RIMS1: variants seen among roughly 807,000 people sequenced by gnomAD.
RIMS1 encodes the protein regulating synaptic membrane exocytosis protein 1.
RIMS1 carries 83 observed loss-of-function variants against 214.1 expected under a neutral mutation model. The ratio of observed to expected loss-of-function variants is 0.39; its 90% CI spans 0.32 to 0.47. The LOEUF is 0.47. Ranked by LOEUF, RIMS1 falls within the 20% of genes least tolerant of loss-of-function variation. The pLI, the probability that RIMS1 is intolerant of heterozygous loss-of-function variation, is 0.99. For missense variants in RIMS1, 2,050 were observed against 2,161.8 expected (o/e 0.95, Z 1.03); for synonymous variants, 793 against 786.8 (o/e 1.01, Z -0.13).
At chr6:71,913,360 C>T (rs550587451) in intron 1 of RIMS1, among the ~76,000 whole-genome samples, 21 of 152,000 alleles carry the variant, frequency 1.4e-4, no homozygotes, top group Non-Finnish European at 2.9e-4. Flanking sequence ...TGGTAGAGCA[C>T]CAAATGTATT....
At chr6:72,057,195 T>A (rs916112226) in intron 2 of RIMS1, among the ~76,000 whole-genome samples, 4 of 152,206 alleles carry the variant, frequency 2.6e-5, no homozygotes, top group Admixed American at 6.5e-5. Context: ...ACTCACATAT[T>A]CAGTTGTGGC....
At chr6:72,280,009 T>C (rs1011977729) in intron 23 of RIMS1, among the ~76,000 whole-genome samples, 8 of 151,978 alleles carry the variant, frequency 5.3e-5, no homozygotes, top group African/African-American at 9.7e-5. Context: ...TTAAGTATTT[T>C]ATATTTTGCT....
intron 4 of RIMS1, among the ~76,000 whole-genome samples, chr6:72,158,591 G>A (rs1333024470): frequency 8.6e-6 from 1 of 116,290 alleles, no homozygotes; most frequent in African/African-American, 2.9e-5. Flanking sequence ...CCTGGTGTGT[G>A]ATGTTCCCCT....
chr6:72,307,243 T>C lies in RIMS1; in HGVS notation c.3851-15T>C. On this transcript the variant is annotated splice_polypyrimidine_tract_variant and intron_variant, in intron 26 of 33. Coordinates refer to ENST00000521978, the MANE Select transcript of RIMS1 (RefSeq NM_014989.7). ...TTCACATGTTTTAATAGGCTTCCAT[T>C]ATGTGTTTTTGCAGCAAGCTTAGTA... 1 of 1,541,638 alleles carries C rather than the reference T, an allele frequency of 6.5e-7. No individual in the cohort carries two copies.
intron 2 of RIMS1, among the ~76,000 whole-genome samples, chr6:72,081,478 T>C (rs937050564): frequency 3.3e-5 from 5 of 152,286 alleles, no homozygotes; most frequent in African/African-American, 9.6e-5. Flanking sequence ...GATGGTGCAA[T>C]ATTATGAAAG....
chr6:71,899,864 A>G (rs1172063694), intron 1 of RIMS1, among the ~76,000 whole-genome samples: 1 of 152,144 alleles, frequency 6.6e-6, no homozygotes, highest in African/African-American at 2.4e-5. Context: ...GAAAATCATC[A>G]GAGGGCCAAA....
rs146107035 is a variant in RIMS1, at chr6:72,014,016, G to A, written c.245+44953G>A. ...TTTATGACTGACTTGTTTTCACTTA[G>A]TGTATTAGTCCATTCTCACACTGCT... On this transcript the variant is annotated intron_variant, in intron 2 of 33. Coordinates refer to ENST00000521978, the MANE Select transcript of RIMS1 (RefSeq NM_014989.7). Among the ~76,000 whole-genome samples the A allele has an allele frequency of 2.6e-5, 4 of 152,238 alleles. No individual in the cohort carries two copies. The East Asian group carries it at 7.7e-4, about 29-fold the overall frequency.
At chr6:71,962,530 G>A (rs1793252494) in intron 1 of RIMS1, among the ~76,000 whole-genome samples, 1 of 152,128 alleles carries the variant, frequency 6.6e-6, no homozygotes, top group African/African-American at 2.4e-5. Flanking sequence ...TTTGTGATTA[G>A]TACATCTGGC....
intron 31 of RIMS1, among the ~76,000 whole-genome samples, chr6:72,395,822 A>G (rs2098767931): frequency 6.6e-6 from 1 of 151,992 alleles, no homozygotes; most frequent in African/African-American, 2.4e-5. Flanking sequence ...TTTGATCATA[A>G]CAAAGTATAT....
At chr6:72,129,635 G>C (rs2040135706) in intron 4 of RIMS1, among the ~76,000 whole-genome samples, 1 of 152,040 alleles carries the variant, frequency 6.6e-6, no homozygotes, top group Non-Finnish European at 1.5e-5. Flanking sequence ...AGAACAGAAA[G>C]ATCTAGATAA....
At chr6:72,282,488 C>T (rs996669144) in intron 23 of RIMS1, among the ~76,000 whole-genome samples, 1 of 152,066 alleles carries the variant, frequency 6.6e-6, no homozygotes, top group Non-Finnish European at 1.5e-5. Flanking sequence ...AGTGATATCC[C>T]AGCACCTGAT....
chr6:72,003,608 G>T lies in RIMS1; in HGVS notation c.245+34545G>T, dbSNP rs541106426. Among the ~76,000 whole-genome samples the T allele has an allele frequency of 7.9e-5, 12 of 151,828 alleles. 1 individual carries two copies. In the South Asian group the frequency reaches 2.5e-3, roughly 32 times the overall value. ...TATACAATTTTGCTTGCAGGTGTGT[G>T]TCTGTGTGTGTGTGTGTGTGTCTGT... On this transcript the variant is annotated intron_variant, in intron 2 of 33. Coordinates refer to ENST00000521978, the MANE Select transcript of RIMS1 (RefSeq NM_014989.7).
At chr6:71,941,194 AAT>A (rs1786017876) in intron 1 of RIMS1, among the ~76,000 whole-genome samples, 1 of 152,248 alleles carries the variant, frequency 6.6e-6, no homozygotes, top group Admixed American at 6.5e-5. Context: ...TTTATGAATA[AAT>A]ATGTTTTTCT....
At chr6:71,947,070 A>C (rs896200844) in intron 1 of RIMS1, among the ~76,000 whole-genome samples, 1 of 152,098 alleles carries the variant, frequency 6.6e-6, no homozygotes, top group African/African-American at 2.4e-5. Flanking sequence ...AGAAAAATGC[A>C]AATTAAAACC....
intron 4 of RIMS1, among the ~76,000 whole-genome samples, chr6:72,109,815 T>C (rs1468556195): frequency 1.3e-5 from 2 of 152,136 alleles, no homozygotes; most frequent in Non-Finnish European, 2.9e-5. Flanking sequence ...GGTTTTCTTC[T>C]AGGGTTTTTA....
At chr6:72,225,723 A>G (rs1177932598) in intron 6 of RIMS1, among the ~76,000 whole-genome samples, 1 of 152,204 alleles carries the variant, frequency 6.6e-6, no homozygotes, top group Non-Finnish European at 1.5e-5. Context: ...CTCAGTGTCA[A>G]TGTGGAAGCC....
intron 29 of RIMS1, among the ~76,000 whole-genome samples, chr6:72,380,992 C>T (rs747137094): frequency 2.0e-5 from 3 of 152,108 alleles, no homozygotes; most frequent in Non-Finnish European, 2.9e-5. Context: ...TAATAAAATC[C>T]ACTCCCTAAA....
chr6:71,931,774 G>T (rs1783123553), intron 1 of RIMS1, among the ~76,000 whole-genome samples: 1 of 151,764 alleles, frequency 6.6e-6, no homozygotes, highest in Non-Finnish European at 1.5e-5. Flanking sequence ...GTCAATTTTT[G>T]CTTTTGTTGT....
At chr6:72,171,688 G>A (rs1671063631) in intron 4 of RIMS1, among the ~76,000 whole-genome samples, 1 of 152,168 alleles carries the variant, frequency 6.6e-6, no homozygotes, top group South Asian at 2.1e-4. Context: ...TGGATTGACA[G>A]ATGGACGTGA....
Sources: gnomAD v4.1 joint callset for allele counts (sites outside exome capture counted in the v4.1 genomes callset) on GRCh38, gnomAD v4.1.1 for gene constraint, MANE v1.5 for transcripts, NCBI Gene and HGNC (gene_info 2026-07-23, HGNC 2026-07-21) for gene names.